Variants in DOCK8 observed in about 807,000 individuals in gnomAD.
DOCK8 encodes dedicator of cytokinesis 8.
In DOCK8, 141 loss-of-function variants were observed where a neutral mutation model predicts 245.6. That is an observed-to-expected ratio of 0.57 (90% confidence interval 0.50 to 0.66). The LOEUF is 0.66. Ranked by LOEUF, DOCK8 falls within the 30% of genes least tolerant of loss-of-function variation. The probability of loss-of-function intolerance (pLI) is 0.00; values close to 1 mark genes in which losing one functional copy is unlikely to be tolerated. For synonymous variants in DOCK8, 1,168 were observed against 970.2 expected (o/e 1.20, Z -3.79); for missense variants, 2,965 against 2,603.4 (o/e 1.14, Z -3.02).
rs561397821 is a variant in DOCK8 at position 271,639 on chromosome 9, G to A, written c.66G>A (p.Ala22=). 9 of 1,549,360 alleles carry A rather than the reference G, an allele frequency of 5.8e-6. No individual in the cohort carries two copies. Among genetic ancestry groups the A allele is most frequent in the Middle Eastern group, 1.7e-4 (1 of 5,992 alleles). The change falls in exon 2 of 48, where the codon GCG becomes GCA. Residue 22 remains alanine, a synonymous_variant. Transcript: ENST00000432829. The stretch of plus-strand genomic sequence containing the variant: ...ATTTTAATCCAAGGTATTCTTCAGC[G>A]GAAATAAGGAAACAGTTTACTCTCC... ...FALKINRYSS[A]EIRKQFTLPP...
chr9:363,842 G>A (rs536526839), intron 14 of DOCK8, among the ~76,000 whole-genome samples: 29 of 152,280 alleles, frequency 1.9e-4, no homozygotes, highest in African/African-American at 6.3e-4. Flanking sequence ...TGGTGGGGGT[G>A]CATGGGAATG....
At chr9:353,728 C>T (rs1467537633) in intron 14 of DOCK8, among the ~76,000 whole-genome samples, 1 of 152,086 alleles carries the variant, frequency 6.6e-6, no homozygotes, top group African/African-American at 2.4e-5. Flanking sequence ...CAAATGGTGT[C>T]TTGAAACTTA....
At chr9:345,596 C>T (rs78860864) in intron 14 of DOCK8, among the ~76,000 whole-genome samples, 9,464 of 152,116 alleles carry the variant, frequency 0.062, 393 homozygotes, top group African/African-American at 0.11. Flanking sequence ...TTATCTTTAC[C>T]TGTCTTAAAG....
At chr9:411,118 A>C (rs1245726795) in intron 28 of DOCK8, among the ~76,000 whole-genome samples, 1 of 152,150 alleles carries the variant, frequency 6.6e-6, no homozygotes, top group Non-Finnish European at 1.5e-5. Context: ...TACCCACACA[A>C]ATTAAAAATT....
At chr9:316,318 C>A (rs2050344595) in intron 6 of DOCK8, among the ~76,000 whole-genome samples, 1 of 152,164 alleles carries the variant, frequency 6.6e-6, no homozygotes, top group African/African-American at 2.4e-5. Context: ...TTTTTGCATA[C>A]ATGAATATAA....
intron 17 of DOCK8, 131 bp from the exon 18 acceptor site, chr9:372,054 T>G (rs1295413298): frequency 2.5e-6 from 2 of 800,164 alleles, no homozygotes; most frequent in Non-Finnish European, 4.2e-6. Flanking sequence ...TGGACAGAAA[T>G]TACTGCCAAA....
In DOCK8 at chr9:422,128, C is replaced by A; in HGVS notation, c.4234C>A (p.Leu1412Ile). ...ACATTGGCGGCAAGCTAATGAGAAG[C>A]TAGATAAGTGAGTCACTCGGCAACT... ...QTHWRQANEK[L>I]DKTKAELDQE... Residue 1412 changes from leucine to isoleucine, a missense_variant, in exon 33 of 48, where the codon CTA (leucine) becomes ATA (isoleucine). Physicochemically the swap from Leu to Ile is conservative, Grantham distance 5 (BLOSUM62 2). This residue lies in a region of DOCK8 where 2,825 missense variants were observed against 2,453.5 expected (regional missense o/e 1.15). Transcript: ENST00000432829. 1 of 1,613,974 alleles carries A rather than the reference C, an allele frequency of 6.2e-7. No homozygotes were observed. Among genetic ancestry groups the A allele is most frequent in the Non-Finnish European group, 8.5e-7 (1 of 1,179,930 alleles).
chr9:235,990 T>C (rs1218747041), intron 1 of DOCK8, among the ~76,000 whole-genome samples: 1 of 152,236 alleles, frequency 6.6e-6, no homozygotes, highest in African/African-American at 2.4e-5. Context: ...GTATTCTGTG[T>C]CGCTCACGCT....
intron 1 of DOCK8, among the ~76,000 whole-genome samples, chr9:242,696 A>G (rs2047403158): frequency 1.3e-5 from 2 of 152,090 alleles, no homozygotes; most frequent in African/African-American, 4.8e-5. Flanking sequence ...GACCAAACCC[A>G]TGTTTTTAAC....
intron 31 of DOCK8, 125 bp from the exon 32 acceptor site, chr9:420,824 C>A: frequency 7.3e-7 from 1 of 1,368,014 alleles, no homozygotes; most frequent in East Asian, 2.3e-5. Flanking sequence ...TGCTCCAGAG[C>A]AGCATCTCAG....
At chr9:215,133 C>A (rs1563812254) in intron 1 of DOCK8, 104 bp downstream of exon 1, 1 of 1,471,728 alleles carries the variant, frequency 6.8e-7, no homozygotes, top group South Asian at 1.3e-5. Context: ...CCATTCGCGT[C>A]CGCGGCGGGG....
chr9:393,369 C>T (rs1017628844), intron 24 of DOCK8, among the ~76,000 whole-genome samples: 1 of 152,186 alleles, frequency 6.6e-6, no homozygotes, highest in African/African-American at 2.4e-5. Flanking sequence ...ATCAAAACTA[C>T]TGAGCATCTT....
chr9:377,028 G>A lies in DOCK8; in HGVS notation c.2257G>A (p.Val753Met), dbSNP rs868410851. The A allele has an allele frequency of 7.4e-6, 12 of 1,614,062 alleles. 1 individual carries two copies. In the Middle Eastern group the frequency reaches 1.6e-3, roughly 222 times the overall value. Residue 753 changes from valine to methionine, a missense_variant, in exon 20 of 48, where the codon GTG (valine) becomes ATG (methionine). Coordinates refer to ENST00000432829, the MANE Select transcript of DOCK8 (RefSeq NM_203447.4). The stretch of plus-strand genomic sequence containing the variant: ...CCTCTGCCACTCCCTGGAGAGCCAG[G>A]TGACCTTCCCCATCCGCGTGCTGGA... Reference protein sequence around the residue: ...FTLCHSLESQVTFPIRVLDQK... With the variant: ...FTLCHSLESQMTFPIRVLDQK...
intron 40 of DOCK8, among the ~76,000 whole-genome samples, 155 bp downstream of exon 40, chr9:439,543 T>C (rs374176007): frequency 6.6e-6 from 1 of 152,290 alleles, no homozygotes. Flanking sequence ...GGGAGGACTT[T>C]GATGTATGCA....
At chr9:213,556 C>G (rs1371720639), upstream of DOCK8, 1 of 152,122 alleles carries the variant, frequency 6.6e-6, no homozygotes, top group Non-Finnish European at 1.5e-5. Context: ...AAATCATTAA[C>G]AAGACATTTT....
At position 379,938 on chromosome 9, in the gene DOCK8, A is replaced by AT; in HGVS notation, c.2605+3_2605+4insT. On this transcript the variant is annotated splice_donor_region_variant and intron_variant, in intron 21 of 47. Transcript: ENST00000432829. ...GCAAAGGGATGTGCCCAAGTCAGGTAGAGTTGCCCTGAGTGTGGGACTCTG... is the reference window on the plus strand; with the variant it reads ...GCAAAGGGATGTGCCCAAGTCAGGTATGAGTTGCCCTGAGTGTGGGACTCTG... The AT allele has an allele frequency of 6.2e-7, 1 of 1,613,668 alleles. No homozygotes were observed. Among genetic ancestry groups the AT allele is most frequent in the Middle Eastern group, 1.6e-4 (1 of 6,062 alleles).
At position 317,069 on chromosome 9, in the gene DOCK8, A is replaced by G; in HGVS notation, c.768A>G (p.Val256=). ...DEEDAVEIRP[V]PECPKEHLGN... is the part of the protein sequence containing the mutation. ...AGGATGCTGTGGAAATACGTCCAGT[A>G]CCAGAATGTCCCAAGGAACACCTGG... Residue 256 remains valine (V), a synonymous_variant, in exon 7 of 48, where the codon GTA becomes GTG. Coordinates refer to ENST00000432829, the MANE Select transcript of DOCK8 (RefSeq NM_203447.4). The G allele has an allele frequency of 6.2e-7, 1 of 1,614,042 alleles. No individual in the cohort carries two copies. The highest frequency in any genetic ancestry group is 1.3e-5 in the African/African-American group (1 of 75,044).
chr9:408,882 ACACACGCACACACGCGCGTGCACATG>A (rs1331176393), intron 28 of DOCK8, among the ~76,000 whole-genome samples: 18 of 104,468 alleles, frequency 1.7e-4, no homozygotes, highest in African/African-American at 7.8e-4. Flanking sequence ...ACACACACAC[ACACACGCACACACGCGCGTGCACATG>A]CACACACACA....
chr9:336,827 C>T (rs1411632285), intron 12 of DOCK8, 109 bp downstream of exon 12: 2 of 1,318,288 alleles, frequency 1.5e-6, no homozygotes, highest in East Asian at 2.3e-5. Flanking sequence ...TAGTTAAGCT[C>T]ACTCTCTTAG....
Sources: allele counts gnomAD v4.1 joint callset (sites outside exome capture counted in the v4.1 genomes callset), GRCh38; gene constraint gnomAD v4.1.1; regional missense constraint gnomAD v4.1.1; transcripts MANE v1.5; gene names NCBI Gene and HGNC (gene_info 2026-07-23, HGNC 2026-07-21).